The following MANBA variants were observed in gnomAD, a reference collection of about 807,000 sequenced individuals.
The protein encoded by MANBA is mannosidase beta, also known as beta-mannosidase.
A neutral mutation model predicts 111.1 loss-of-function variants in MANBA; 83 were observed. That is an observed-to-expected ratio of 0.75 (90% CI 0.63 to 0.90). The LOEUF (loss-of-function observed/expected upper bound fraction) is 0.90, where lower values mean the gene tolerates loss of function less well. Ranked by LOEUF, MANBA falls within the 40% of genes least tolerant of loss-of-function variation. The pLI is 0.00. For missense variants in MANBA, 1,036 were observed against 1,069.0 expected (o/e 0.97, Z 0.43); for synonymous variants, 370 against 378.7 (o/e 0.98, Z 0.27).
At chr4:102,657,630 C>A in intron 12 of MANBA, 52 bp downstream of exon 12, 1 of 1,395,034 alleles carries the variant, frequency 7.2e-7, no homozygotes, top group Non-Finnish European at 1.0e-6. Flanking sequence ...AGAATAAACA[C>A]ATGCCCACAG....
At chr4:102,717,583 G>A (rs1387842344) in intron 4 of MANBA, among the ~76,000 whole-genome samples, 1 of 151,956 alleles carries the variant, frequency 6.6e-6, no homozygotes, top group African/African-American at 2.4e-5. Flanking sequence ...TTTTAGACTT[G>A]GGGTTTTGTC....
At chr4:102,664,310 T>C (rs1167860230) in intron 11 of MANBA, among the ~76,000 whole-genome samples, 1 of 152,054 alleles carries the variant, frequency 6.6e-6, no homozygotes, top group Non-Finnish European at 1.5e-5. Flanking sequence ...GCATAAAACA[T>C]ACTATACCAG....
chr4:102,749,089 T>A (rs765952567), intron 1 of MANBA, among the ~76,000 whole-genome samples: 1 of 151,790 alleles, frequency 6.6e-6, no homozygotes, highest in Non-Finnish European at 1.5e-5. Flanking sequence ...ATCCAGTACC[T>A]AACAACAGAC....
chr4:102,650,000 G>T (rs1280333413), intron 13 of MANBA, among the ~76,000 whole-genome samples: 1 of 152,106 alleles, frequency 6.6e-6, no homozygotes. Context: ...TCCCACCTCA[G>T]CCTCCCAAGT....
chr4:102,648,423 A>G (rs1730193651), intron 13 of MANBA, among the ~76,000 whole-genome samples: 1 of 152,194 alleles, frequency 6.6e-6, no homozygotes, highest in African/African-American at 2.4e-5. Flanking sequence ...TGAACTATAC[A>G]TGCTATAACA....
At position 102,760,944 on chromosome 4, in the gene MANBA, C is replaced by T. The variant is rs758841979; in HGVS notation, c.-50G>A. 29 of 1,517,450 alleles carry T rather than the reference C, an allele frequency of 1.9e-5. No individual in the cohort carries two copies. Among genetic ancestry groups the T allele is most frequent in the Non-Finnish European group, 2.6e-5 (29 of 1,129,122 alleles). 94.0% of individuals were successfully genotyped at this position (1,517,450 alleles called of 1,614,324 possible). ...GTGGAGAGATCGAAAGGCAGCGCTG[C>T]AAGGGACCGGCGGTGAAGCCACTCA... On this transcript the variant is annotated 5_prime_UTR_variant, in exon 1 of 17. Coordinates refer to ENST00000647097, the MANE Select transcript of MANBA (RefSeq NM_005908.4).
In MANBA at chr4:102,679,964, T is replaced by C. The variant is rs551743693; in HGVS notation, c.961-5894A>G. On this transcript the variant is annotated intron_variant, in intron 7 of 16. Coordinates refer to ENST00000647097, the MANE Select transcript of MANBA (RefSeq NM_005908.4). ...AATCCCACTTCTCAAGTATTTCTTCTGTAAAATCAGAGAAAATGGCTAAAT... is the reference window on the plus strand; with the variant it reads ...AATCCCACTTCTCAAGTATTTCTTCCGTAAAATCAGAGAAAATGGCTAAAT... 6.1e-4 allele frequency among the ~76,000 whole-genome samples: 93 copies of C among 152,280 alleles called. 1 individual carries two copies. The highest frequency in any genetic ancestry group is 2.2e-3 in the African/African-American group (90 of 41,562).
chr4:102,682,850 C>T (rs1044412372), intron 7 of MANBA: 4 of 151,980 alleles, frequency 2.6e-5, no homozygotes, highest in Non-Finnish European at 2.9e-5. Context: ...ACAGCTCTGC[C>T]GACACCTTGA....
intron 7 of MANBA, among the ~76,000 whole-genome samples, chr4:102,679,927 A>T (rs1027969457): frequency 9.3e-5 from 13 of 140,246 alleles, no homozygotes; most frequent in African/African-American, 3.0e-4. Context: ...TCTGAGGTAT[A>T]AAAAAAAAAA....
chr4:102,653,877 CAG>C lies in MANBA; in HGVS notation c.1705-3178_1705-3177del, dbSNP rs562955161. Among the ~76,000 whole-genome samples, 1,047 of 152,194 alleles carry C rather than the reference CAG, an allele frequency of 6.9e-3. 6 individuals are homozygous for C. The highest frequency in any genetic ancestry group is 0.011 in the Non-Finnish European group (734 of 67,998). On this transcript the variant is annotated intron_variant, in intron 12 of 16. Coordinates refer to ENST00000647097, the MANE Select transcript of MANBA (RefSeq NM_005908.4). ...AAAGAAAATCTATCAGCTCTGGAGACAGAGAGTAAGTCTGAACCCAGCTACTT... is the reference window on the plus strand; with the variant it reads ...AAAGAAAATCTATCAGCTCTGGAGACAGAGTAAGTCTGAACCCAGCTACTT...
At chr4:102,733,520 A>G (rs1274449507) in intron 1 of MANBA, among the ~76,000 whole-genome samples, 5 of 152,028 alleles carry the variant, frequency 3.3e-5, no homozygotes, top group Non-Finnish European at 7.4e-5. Context: ...CTCCCAGCTA[A>G]TTTTTTATTT....
At chr4:102,730,272 T>C (rs1255238315) in intron 1 of MANBA, 2 of 557,500 alleles carry the variant, frequency 3.6e-6, no homozygotes, top group African/African-American at 3.8e-5. Flanking sequence ...TTACCACATA[T>C]CGTCTCATGA....
At chr4:102,736,690 G>A (rs1363031181) in intron 1 of MANBA, among the ~76,000 whole-genome samples, 2 of 152,198 alleles carry the variant, frequency 1.3e-5, no homozygotes, top group Admixed American at 1.3e-4. Flanking sequence ...CTGGCAAACT[G>A]AGATAAAACG....
chr4:102,639,051 C>T (rs1175912330), intron 14 of MANBA, among the ~76,000 whole-genome samples: 2 of 152,100 alleles, frequency 1.3e-5, no homozygotes, highest in African/African-American at 4.8e-5. Context: ...GACTATTATT[C>T]CTTAATTTTT....
At chr4:102,694,382 TC>T (rs1311414360) in intron 5 of MANBA, among the ~76,000 whole-genome samples, 4 of 152,136 alleles carry the variant, frequency 2.6e-5, no homozygotes, top group Non-Finnish European at 5.9e-5. Context: ...AGGCGCAAAG[TC>T]TTAAATAACC....
chr4:102,666,311 C>T (rs1485187646), intron 10 of MANBA: 2 of 152,198 alleles, frequency 1.3e-5, no homozygotes, highest in East Asian at 1.9e-4. Context: ...AACTGAAATG[C>T]TTGCAACCTG....
intron 13 of MANBA, among the ~76,000 whole-genome samples, chr4:102,649,687 T>C (rs1393501319): frequency 6.6e-6 from 1 of 152,190 alleles, no homozygotes; most frequent in African/African-American, 2.4e-5. Flanking sequence ...AATTTGTGGC[T>C]TGCCTTTTCT....
chr4:102,692,910 GT>G, intron 5 of MANBA, among the ~76,000 whole-genome samples: 1 of 151,866 alleles, frequency 6.6e-6, no homozygotes, highest in East Asian at 1.9e-4. Flanking sequence ...GACAAAAGAC[GT>G]TATAACCGGC....
intron 15 of MANBA, among the ~76,000 whole-genome samples, chr4:102,635,246 G>A (rs1232926611): frequency 1.3e-5 from 2 of 152,086 alleles, no homozygotes; most frequent in African/African-American, 4.8e-5. Context: ...TATGTAGAAT[G>A]AAAATAACAG....
Sources: allele counts gnomAD v4.1 joint callset (sites outside exome capture counted in the v4.1 genomes callset), GRCh38; gene constraint gnomAD v4.1.1; transcripts MANE v1.5; gene names NCBI Gene and HGNC (gene_info 2026-07-23, HGNC 2026-07-21).